The following SLC7A14 variants were observed in gnomAD, a reference collection of about 807,000 sequenced individuals.
The protein encoded by SLC7A14 is gamma-aminobutyric acid transporter SLC7A14.
Under a neutral mutation model 60.2 loss-of-function variants are expected in SLC7A14, and 37 were observed. That is an observed-to-expected ratio of 0.61 (90% CI 0.47 to 0.81). The LOEUF (loss-of-function observed/expected upper bound fraction) is 0.81, where lower values mean the gene tolerates loss of function less well. Ranked by LOEUF, SLC7A14 falls within the 30% of genes least tolerant of loss-of-function variation. The pLI is 0.00. For synonymous variants in SLC7A14, 399 were observed against 395.8 expected (o/e 1.01, Z -0.10); for missense variants, 886 against 982.7 (o/e 0.90, Z 1.32).
intron 4 of SLC7A14, among the ~76,000 whole-genome samples, chr3:170,495,147 A>C (rs1317120575): frequency 1.1e-4 from 16 of 152,252 alleles, no homozygotes; most frequent in Non-Finnish European, 2.9e-5. Context: ...AACTATTGAC[A>C]ACCGTAACAA....
At chr3:170,555,994 A>G (rs1714475982) in intron 1 of SLC7A14, among the ~76,000 whole-genome samples, 1 of 152,146 alleles carries the variant, frequency 6.6e-6, no homozygotes, top group African/African-American at 2.4e-5. Context: ...TCTGCTCATT[A>G]CTTTAACAAT....
At chr3:170,467,463 ATC>A in intron 7 of SLC7A14, 86 bp from the exon 8 acceptor site, 2 of 844,292 alleles carry the variant, frequency 2.4e-6, no homozygotes, top group East Asian at 4.2e-5. Flanking sequence ...CAGTGATGAA[ATC>A]AAAGCTGGCG....
chr3:170,471,156 A>G (rs1312173173), intron 7 of SLC7A14, among the ~76,000 whole-genome samples: 1 of 150,770 alleles, frequency 6.6e-6, no homozygotes, highest in African/African-American at 2.5e-5. Context: ...CACAGACAGG[A>G]CAACAGGACA....
chr3:170,568,150 T>C (rs989096874), intron 1 of SLC7A14, among the ~76,000 whole-genome samples: 1 of 152,168 alleles, frequency 6.6e-6, no homozygotes, highest in Non-Finnish European at 1.5e-5. Context: ...AGGTCTAACA[T>C]TTAAGTCTTT....
chr3:170,488,359 G>A (rs907531910), intron 4 of SLC7A14, among the ~76,000 whole-genome samples: 3 of 152,186 alleles, frequency 2.0e-5, no homozygotes, highest in Non-Finnish European at 2.9e-5. Flanking sequence ...TCATACAGTG[G>A]TGTGGAAAAC....
At chr3:170,474,656 T>A (rs1711557317) in intron 7 of SLC7A14, among the ~76,000 whole-genome samples, 1 of 152,358 alleles carries the variant, frequency 6.6e-6, no homozygotes, top group East Asian at 1.9e-4. Context: ...TCTTTCCCTC[T>A]TCTTCTTTTT....
In SLC7A14 at chr3:170,498,854, A is replaced by G. The variant is rs1370297202; in HGVS notation, c.572T>C (p.Leu191Pro). Residue 191 changes from leucine (L) to proline (P), a missense_variant, in exon 4 of 8, where the codon CTG becomes CCG. By Grantham distance (98) the Leu-to-Pro change is moderately conservative. Transcript: ENST00000231706. Reference sequence around the variant, plus strand: ...CACGATGACCGCGATCAACAGAGCCAGAAGGTCTGGGTATGATTCTTCACC... The same window carrying G: ...CACGATGACCGCGATCAACAGAGCCGGAAGGTCTGGGTATGATTCTTCACC... ...GKGEESYPDL[L>P]ALLIAVIVTI... 1.2e-6 allele frequency: 2 copies of G among 1,614,072 alleles called. No individual in the cohort carries two copies. The highest frequency in any genetic ancestry group is 1.3e-5 in the African/African-American group (1 of 74,920).
intron 1 of SLC7A14, among the ~76,000 whole-genome samples, chr3:170,527,514 T>C (rs1202392755): frequency 1.3e-5 from 2 of 152,202 alleles, no homozygotes; most frequent in Non-Finnish European, 2.9e-5. Flanking sequence ...ACCTCTTACT[T>C]TGCCAATACT....
At position 170,526,659 on chromosome 3, in the gene SLC7A14, A is replaced by G. The variant is rs1713513861; in HGVS notation, c.278T>C (p.Ile93Thr). The part of the protein sequence containing the change: ...AGPGVIVSFI[I>T]AAVASILSGV... ...TGATAATATGGATGCGACGGCTGCA[A>G]TGATGAAGGACACAATGACACCAGG... The change falls in exon 2 of 8, where the codon ATT (isoleucine) becomes ACT (threonine). Residue 93 changes from isoleucine (I) to threonine (T), a missense_variant. Coordinates refer to ENST00000231706, the MANE Select transcript of SLC7A14 (RefSeq NM_020949.3). 4.3e-6 allele frequency: 7 copies of G among 1,614,222 alleles called. No individual in the cohort carries two copies. The highest frequency in any genetic ancestry group is 5.9e-6 in the Non-Finnish European group (7 of 1,180,036).
chr3:170,492,391 G>C (rs975676441), intron 4 of SLC7A14, among the ~76,000 whole-genome samples: 1 of 152,172 alleles, frequency 6.6e-6, no homozygotes, highest in African/African-American at 2.4e-5. Context: ...TGTAGTTCCA[G>C]TTACTTGGGA....
intron 1 of SLC7A14, among the ~76,000 whole-genome samples, chr3:170,561,989 T>C (rs909159386): frequency 1.3e-5 from 2 of 152,114 alleles, no homozygotes; most frequent in African/African-American, 4.8e-5. Flanking sequence ...AATAAAAATA[T>C]AATAGATGTT....
chr3:170,546,929 A>T (rs1714197515), intron 1 of SLC7A14, among the ~76,000 whole-genome samples: 1 of 152,174 alleles, frequency 6.6e-6, no homozygotes. Context: ...GCCCTTATAC[A>T]CATTAGAATC....
At chr3:170,494,031 G>A (rs577584382) in intron 4 of SLC7A14, among the ~76,000 whole-genome samples, 1 of 152,284 alleles carries the variant, frequency 6.6e-6, no homozygotes, top group African/African-American at 2.4e-5. Flanking sequence ...GGCTTGGATT[G>A]GAATGAGGAC....
intron 1 of SLC7A14, among the ~76,000 whole-genome samples, chr3:170,578,708 G>A (rs995289617): frequency 2.6e-5 from 4 of 152,136 alleles, no homozygotes; most frequent in African/African-American, 9.7e-5. Flanking sequence ...AAATAATGAT[G>A]TAAAAATAAG....
chr3:170,541,955 T>C (rs1368649680), intron 1 of SLC7A14, among the ~76,000 whole-genome samples: 2 of 152,178 alleles, frequency 1.3e-5, no homozygotes, highest in Non-Finnish European at 2.9e-5. Context: ...CATGCAGAAA[T>C]ATCCTCGGTT....
chr3:170,530,102 G>T (rs1443868893), intron 1 of SLC7A14, among the ~76,000 whole-genome samples: 2 of 152,120 alleles, frequency 1.3e-5, no homozygotes, highest in African/African-American at 4.8e-5. Context: ...TGCAAAAACC[G>T]CAATTACTTT....
intron 1 of SLC7A14, among the ~76,000 whole-genome samples, chr3:170,573,421 C>T (rs190669828): frequency 8.5e-5 from 13 of 152,290 alleles, no homozygotes; most frequent in Admixed American, 3.3e-4. Context: ...GCAGACTAAT[C>T]GTAATGGATC....
At chr3:170,474,990 C>A (rs1390754141) in intron 7 of SLC7A14, among the ~76,000 whole-genome samples, 1 of 152,210 alleles carries the variant, frequency 6.6e-6, no homozygotes, top group African/African-American at 2.4e-5. Flanking sequence ...TCTCACTGAG[C>A]CCCTGCTAGT....
chr3:170,562,641 T>G (rs1714686078), intron 1 of SLC7A14, among the ~76,000 whole-genome samples: 1 of 152,018 alleles, frequency 6.6e-6, no homozygotes, highest in South Asian at 2.1e-4. Flanking sequence ...CTATGGAAAT[T>G]AAAAATTAAA....
Sources: allele counts gnomAD v4.1 joint callset (sites outside exome capture counted in the v4.1 genomes callset), GRCh38; gene constraint gnomAD v4.1.1; transcripts MANE v1.5; gene names NCBI Gene and HGNC (gene_info 2026-07-23, HGNC 2026-07-21).